JAZF1: variants seen among roughly 807,000 people sequenced by gnomAD.
The protein encoded by JAZF1 is JAZF zinc finger 1, also known as juxtaposed with another zinc finger protein 1.
In JAZF1, 8 loss-of-function variants were observed where a neutral mutation model predicts 26.4. That is an observed-to-expected ratio of 0.30 (90% CI 0.18 to 0.55). The LOEUF is 0.55. Among genes scored for constraint, JAZF1 ranks in the 20% least tolerant of loss-of-function variants. JAZF1 has a pLI of 0.94. For synonymous variants in JAZF1, 126 were observed against 122.3 expected, an observed-to-expected ratio of 1.03 and a Z score of -0.20; for missense variants, 199 against 322.0, an observed-to-expected ratio of 0.62 and a Z score of 2.92.
rs139336231 is a variant in JAZF1, at chr7:28,021,546, C to T, written c.116-29565G>A. On this transcript the variant is annotated intron_variant, in intron 1 of 4. Coordinates refer to ENST00000283928, the MANE Select transcript of JAZF1 (RefSeq NM_175061.4). ...TGGAGGAGCAGCAGGAGTGCAGTGA[C>T]GGGCAGGAAAGGCCGCCACCGCCTG... Among the ~76,000 whole-genome samples the T allele has an allele frequency of 8.1e-4, 124 of 152,168 alleles. 1 individual carries two copies. In the Middle Eastern group the frequency reaches 0.017, roughly 21 times the overall value.
intron 1 of JAZF1, among the ~76,000 whole-genome samples, chr7:28,064,077 G>A (rs1040499183): frequency 6.6e-6 from 1 of 151,700 alleles, no homozygotes; most frequent in African/African-American, 2.4e-5. Flanking sequence ...TAACTGCCAA[G>A]AGTTAAAAAA....
At chr7:28,073,491 C>T (rs1784007686) in intron 1 of JAZF1, among the ~76,000 whole-genome samples, 1 of 152,128 alleles carries the variant, frequency 6.6e-6, no homozygotes, top group Non-Finnish European at 1.5e-5. Context: ...TTGCATTTTG[C>T]TTTATTTTCA....
At chr7:27,870,075 A>ATTTTTTTTT (rs371770357) in intron 3 of JAZF1, among the ~76,000 whole-genome samples, 1,342 of 120,420 alleles carry the variant, frequency 0.011, no homozygotes, top group Non-Finnish European at 0.014. Flanking sequence ...CACCCGGTTA[A>ATTTTTTTTT]TTTTTTTTTT....
intron 3 of JAZF1, among the ~76,000 whole-genome samples, chr7:27,870,075 A>ATTTTTTTTTTTTTTTTTTT (rs371770357): frequency 9.9e-5 from 12 of 120,666 alleles, no homozygotes; most frequent in Admixed American, 9.0e-5. Context: ...CACCCGGTTA[A>ATTTTTTTTTTTTTTTTTTT]TTTTTTTTTT....
chr7:27,863,674 A>C (rs912767678), intron 3 of JAZF1, among the ~76,000 whole-genome samples: 2 of 152,212 alleles, frequency 1.3e-5, no homozygotes, highest in Non-Finnish European at 2.9e-5. Flanking sequence ...CACTCAATAT[A>C]TATTTGTTGA....
At chr7:28,087,356 G>A (rs548092158) in intron 1 of JAZF1, among the ~76,000 whole-genome samples, 8 of 151,614 alleles carry the variant, frequency 5.3e-5, no homozygotes, top group African/African-American at 1.7e-4. Flanking sequence ...AATTTCAGAG[G>A]GCAAAATAGA....
chr7:28,039,648 T>C (rs537718726), intron 1 of JAZF1, among the ~76,000 whole-genome samples: 1 of 152,298 alleles, frequency 6.6e-6, no homozygotes, highest in East Asian at 1.9e-4. Context: ...CATTCTCAAC[T>C]CTGAAAATTT....
intron 3 of JAZF1, among the ~76,000 whole-genome samples, chr7:27,852,297 A>C (rs1562765518): frequency 6.6e-6 from 1 of 151,742 alleles, no homozygotes; most frequent in Non-Finnish European, 1.5e-5. Context: ...ACACCTGGCT[A>C]ATTTTTTTGT....
chr7:27,927,177 C>G (rs1784614187), intron 2 of JAZF1, among the ~76,000 whole-genome samples: 1 of 152,292 alleles, frequency 6.6e-6, no homozygotes, highest in African/African-American at 2.4e-5. Flanking sequence ...CTCTGTCTCC[C>G]CCTTCAGAGT....
chr7:27,967,402 T>G (rs1224408548), intron 2 of JAZF1, among the ~76,000 whole-genome samples: 1 of 152,110 alleles, frequency 6.6e-6, no homozygotes, highest in Non-Finnish European at 1.5e-5. Context: ...TACAGCTTTC[T>G]GACTGTCCGA....
intron 1 of JAZF1, among the ~76,000 whole-genome samples, chr7:28,116,155 G>A (rs1306094133): frequency 6.6e-6 from 1 of 152,166 alleles, no homozygotes; most frequent in East Asian, 1.9e-4. Context: ...GTATCTGCAG[G>A]AGTAATTGCC....
intron 1 of JAZF1, among the ~76,000 whole-genome samples, chr7:28,115,205 A>G (rs904456379): frequency 6.6e-6 from 1 of 152,234 alleles, no homozygotes; most frequent in African/African-American, 2.4e-5. Context: ...CAAGCCACAT[A>G]TGTAATTTTA....
chr7:28,167,677 G>C (rs1783390272), intron 1 of JAZF1, among the ~76,000 whole-genome samples: 1 of 152,202 alleles, frequency 6.6e-6, no homozygotes, highest in South Asian at 2.1e-4. Context: ...ACTCTGGAGA[G>C]AGTGTTTCAG....
rs75103951 is a variant in JAZF1, at chr7:27,954,371, A to T, written c.188+37538T>A. On this transcript the variant is annotated intron_variant, in intron 2 of 4. Transcript: ENST00000283928. ...TGCCTGCCGTCATCTGCAGAGGAAC[A>T]TTCTCTGTGGAACAGAGTATGGTCG... Among the ~76,000 whole-genome samples, 59 of 152,250 alleles carry T rather than the reference A, an allele frequency of 3.9e-4. 3 individuals are homozygous for T. The East Asian group carries it at 0.011, about 28-fold the overall frequency.
At chr7:28,158,584 C>T (rs1220496590) in intron 1 of JAZF1, among the ~76,000 whole-genome samples, 4 of 152,048 alleles carry the variant, frequency 2.6e-5, no homozygotes, top group Non-Finnish European at 5.9e-5. Context: ...TTTCCACAAC[C>T]GAATAAAGGT....
chr7:28,005,317 T>C (rs1782679178), intron 1 of JAZF1, among the ~76,000 whole-genome samples: 1 of 152,052 alleles, frequency 6.6e-6, no homozygotes, highest in Non-Finnish European at 1.5e-5. Flanking sequence ...TATCCAAGTA[T>C]ATTAGTTTTG....
chr7:27,899,013 C>T (rs909403915), intron 2 of JAZF1, among the ~76,000 whole-genome samples: 2 of 152,168 alleles, frequency 1.3e-5, no homozygotes, highest in Admixed American at 1.3e-4. Flanking sequence ...GCTGTGGGAA[C>T]CCTGGTTAAA....
chr7:27,923,046 A>G (rs1784557649), intron 2 of JAZF1, among the ~76,000 whole-genome samples: 3 of 152,254 alleles, frequency 2.0e-5, no homozygotes, highest in Non-Finnish European at 4.4e-5. Flanking sequence ...TCTGGAGGCA[A>G]GAACCCAGGC....
At chr7:27,906,274 C>T (rs1233908489) in intron 2 of JAZF1, among the ~76,000 whole-genome samples, 1 of 152,148 alleles carries the variant, frequency 6.6e-6, no homozygotes. Flanking sequence ...CCTGGCCCCA[C>T]ATGCCCCAGG....
Sources: gnomAD v4.1 joint callset for allele counts (sites outside exome capture counted in the v4.1 genomes callset) on GRCh38, gnomAD v4.1.1 for gene constraint, MANE v1.5 for transcripts, NCBI Gene and HGNC (gene_info 2026-07-23, HGNC 2026-07-21) for gene names.